The following C11orf65 variants were observed in gnomAD, a reference collection of about 807,000 sequenced individuals.
The protein encoded by C11orf65 is chromosome 11 open reading frame 65, also known as protein MFI.
C11orf65 carries 38 observed loss-of-function variants against 35.3 expected under a neutral mutation model. That is an observed-to-expected ratio of 1.08 (90% CI 0.83 to 1.41). C11orf65 has a LOEUF of 1.41. C11orf65 is among the 40% of genes most tolerant of loss of function. The pLI, the probability that C11orf65 is intolerant of heterozygous loss-of-function variation, is 0.00. For missense variants in C11orf65, 370 were observed against 367.1 expected, an observed-to-expected ratio of 1.01 and a Z score of -0.06; for synonymous variants, 105 against 114.4, an observed-to-expected ratio of 0.92 and a Z score of 0.53.
intron 6 of C11orf65, among the ~76,000 whole-genome samples, chr11:108,395,204 G>A (rs966410016): frequency 6.6e-6 from 1 of 151,180 alleles, no homozygotes; most frequent in Non-Finnish European, 1.5e-5. Context: ...AAATCCATGT[G>A]GGATGGGCAT....
At chr11:108,340,872 T>G (rs1448029899) in intron 2 of C11orf65, among the ~76,000 whole-genome samples, 3 of 152,236 alleles carry the variant, frequency 2.0e-5, no homozygotes, top group African/African-American at 7.2e-5. Flanking sequence ...GTGTAAATGC[T>G]GTGTAAATAG....
At chr11:108,387,665 C>T (rs2092043744) in intron 7 of C11orf65, among the ~76,000 whole-genome samples, 1 of 152,022 alleles carries the variant, frequency 6.6e-6, no homozygotes, top group African/African-American at 2.4e-5. Context: ...ATAGATGGGA[C>T]CACAGATGCA....
chr11:108,375,374 C>T (rs1009365591), intron 2 of C11orf65, among the ~76,000 whole-genome samples: 1 of 151,602 alleles, frequency 6.6e-6, no homozygotes, highest in African/African-American at 2.4e-5. Flanking sequence ...AATTTCATAT[C>T]CAGCCAAACT....
chr11:108,468,891 G>A (rs1249213156), upstream of C11orf65, among the ~76,000 whole-genome samples: 2 of 152,038 alleles, frequency 1.3e-5, no homozygotes, highest in Admixed American at 1.3e-4. Flanking sequence ...ATCACTTGAG[G>A]TCAGGAGTTC....
chr11:108,380,992 G>A (rs376782405), downstream of C11orf65, among the ~76,000 whole-genome samples: 1 of 152,262 alleles, frequency 6.6e-6, no homozygotes, highest in South Asian at 2.1e-4. Flanking sequence ...GAAAACACTA[G>A]TCCTATCATA....
At position 108,345,278 on chromosome 11, in the gene C11orf65, C is replaced by T. The variant is rs73545028; in HGVS notation, c.227-9986G>A. Among the ~76,000 whole-genome samples the T allele has an allele frequency of 5.1e-3, 782 of 152,272 alleles. 9 individuals carry two copies. Among genetic ancestry groups the T allele is most frequent in the African/African-American group, 0.018 (733 of 41,544 alleles). On this transcript the variant is annotated intron_variant, in intron 2 of 3. Transcript: ENST00000524755. ...CACATAGATGGAAGGGAGTTGAAGT[C>T]GGTAAGCTTTGCTTCAGGTAGTATT...
rs143845227 is a variant in C11orf65 at position 108,385,550 on chromosome 11, C to G, written c.787+370G>C. On this transcript the variant is annotated intron_variant, in intron 8 of 8. Coordinates refer to ENST00000393084, the MANE Select transcript of C11orf65 (RefSeq NM_152587.5). The stretch of plus-strand genomic sequence containing the variant: ...ACAAAAAATTAGCGGGGTGTGGTGG[C>G]GGGTGCCTGTAGTTCCAGCTACTTG... 7.8e-4 allele frequency among the ~76,000 whole-genome samples: 118 copies of G among 152,058 alleles called. 1 individual carries two copies. The highest frequency in any genetic ancestry group is 2.6e-3 in the African/African-American group (106 of 41,502).
downstream of C11orf65, chr11:108,331,257 A>T (rs2086203030): frequency 2.3e-6 from 3 of 1,327,304 alleles, no homozygotes; most frequent in East Asian, 9.2e-5. Context: ...CAATGCATTA[A>T]TCTAGAGTAC....
intron 2 of C11orf65, among the ~76,000 whole-genome samples, chr11:108,338,560 C>T (rs760781938): frequency 2.1e-4 from 32 of 151,826 alleles, no homozygotes; most frequent in Non-Finnish European, 2.6e-4. Context: ...GAAGCTAAAG[C>T]GTGAGGATTG....
At chr11:108,448,946 C>A (rs1339299992) in intron 2 of C11orf65, among the ~76,000 whole-genome samples, 1 of 152,124 alleles carries the variant, frequency 6.6e-6, no homozygotes, top group Admixed American at 6.6e-5. Context: ...TCTCAGGATA[C>A]AAAATCAATG....
At chr11:108,431,905 T>C in intron 2 of C11orf65, 67 bp from the exon 3 acceptor site, 2 of 915,670 alleles carry the variant, frequency 2.2e-6, no homozygotes, top group Non-Finnish European at 3.2e-6. Flanking sequence ...GCTTTTTGTC[T>C]AATCAGGGCA....
chr11:108,456,279 T>C (rs1026458275), intron 2 of C11orf65, among the ~76,000 whole-genome samples: 2 of 152,224 alleles, frequency 1.3e-5, no homozygotes, highest in Non-Finnish European at 2.9e-5. Flanking sequence ...AAAAGGATGG[T>C]ATTTTCAAAG....
chr11:108,434,382 G>A (rs941135516), intron 2 of C11orf65, among the ~76,000 whole-genome samples: 1 of 151,950 alleles, frequency 6.6e-6, no homozygotes, highest in Non-Finnish European at 1.5e-5. Flanking sequence ...GTGTGTGCCT[G>A]TAATCCCAGC....
chr11:108,429,069 C>T (rs1190944580), intron 3 of C11orf65, among the ~76,000 whole-genome samples: 1 of 152,024 alleles, frequency 6.6e-6, no homozygotes, highest in Non-Finnish European at 1.5e-5. Flanking sequence ...ATCGCTTGGG[C>T]CCAGGAGGTT....
chr11:108,312,263 A>G (rs2084229221), intron 6 of C11orf65: 1 of 634,020 alleles, frequency 1.6e-6, no homozygotes. Flanking sequence ...CCTAGGTATA[A>G]ATGGTATTAT....
intron 2 of C11orf65, chr11:108,355,059 G>T: frequency 1.7e-6 from 1 of 603,646 alleles, no homozygotes; most frequent in Non-Finnish European, 3.0e-6. Context: ...GTTTAGAAAT[G>T]CCTTCAGCCC....
chr11:108,357,509 AAGAC>A (rs971755582), intron 2 of C11orf65, among the ~76,000 whole-genome samples: 7 of 152,282 alleles, frequency 4.6e-5, no homozygotes, highest in African/African-American at 7.2e-5. Context: ...GACAAACAAA[AAGAC>A]AGCAGTAACC....
At chr11:108,386,132 C>T (rs597788) in intron 7 of C11orf65, among the ~76,000 whole-genome samples, 157 bp from the exon 8 acceptor site, 42,767 of 152,138 alleles carry the variant, frequency 0.28, 7,206 homozygotes, top group Middle Eastern at 0.54. Context: ...CTTCTAGTAG[C>T]TCACATCCAG....
intron 8 of C11orf65, 44 bp from the exon 9 acceptor site, chr11:108,383,219 A>G: frequency 1.4e-6 from 2 of 1,445,436 alleles, no homozygotes; most frequent in Non-Finnish European, 1.9e-6. Flanking sequence ...CAGATATAAT[A>G]AGATGCTCAC....
Sources: allele counts gnomAD v4.1 joint callset (sites outside exome capture counted in the v4.1 genomes callset), GRCh38; gene constraint gnomAD v4.1.1; transcripts MANE v1.5; gene names NCBI Gene and HGNC (gene_info 2026-07-23, HGNC 2026-07-21).